HTT: variants seen among roughly 807,000 people sequenced by gnomAD.
The protein encoded by HTT is huntington disease protein.
HTT carries 104 observed loss-of-function variants against 362.3 expected under a neutral mutation model. The ratio of observed to expected loss-of-function variants is 0.29; its 90% CI spans 0.24 to 0.34. HTT has a LOEUF of 0.34. Ranked by LOEUF, HTT falls within the 10% of genes least tolerant of loss-of-function variation. HTT has a pLI of 1.00. For synonymous variants in HTT, 1,577 were observed against 1,548.7 expected, an observed-to-expected ratio of 1.02 and a Z score of -0.43; for missense variants, 3,301 against 3,928.6, an observed-to-expected ratio of 0.84 and a Z score of 4.27.
intron 40 of HTT, among the ~76,000 whole-genome samples, chr4:3,192,369 C>T (rs536984993): frequency 2.6e-4 from 39 of 152,298 alleles, no homozygotes; most frequent in South Asian, 2.3e-3. Flanking sequence ...TCACCCACCA[C>T]GCCCAGTCTC....
chr4:3,222,874 T>C (rs147681491), intron 54 of HTT, among the ~76,000 whole-genome samples: 30 of 152,322 alleles, frequency 2.0e-4, no homozygotes, highest in Middle Eastern at 6.8e-3. Context: ...AGAGATTTTA[T>C]CAGGCTTCTT....
intron 29 of HTT, among the ~76,000 whole-genome samples, chr4:3,168,662 A>G (rs1424180895): frequency 6.6e-6 from 1 of 152,048 alleles, no homozygotes; most frequent in African/African-American, 2.4e-5. Flanking sequence ...TCCATTTTAT[A>G]TGTTTTGTCT....
At chr4:3,116,355 GT>G in intron 8 of HTT, 92 bp downstream of exon 8, 1 of 1,128,274 alleles carries the variant, frequency 8.9e-7, no homozygotes, top group Non-Finnish European at 1.3e-6. Context: ...AGAACCGAGA[GT>G]TAGAGGTGTG....
chr4:3,152,791 C>T (rs934437534), intron 26 of HTT, among the ~76,000 whole-genome samples: 5 of 151,804 alleles, frequency 3.3e-5, no homozygotes, highest in African/African-American at 1.2e-4. Context: ...GGACTACAGG[C>T]CCATGTCACC....
Position 3,215,151 on chromosome 4 carries a change from A to C in HTT, c.6994A>C (p.Arg2332=). 1 of 1,614,220 alleles carries C rather than the reference A, an allele frequency of 6.2e-7. No homozygotes were observed. Among genetic ancestry groups the C allele is most frequent in the Non-Finnish European group, 8.5e-7 (1 of 1,180,028 alleles). ...AGAGCAGCTTCTTAGTCCAGAAAGA[A>C]GGACAAATACCCCAAAAGCCATCAG... The part of the protein sequence containing the change: ...PGEQLLSPER[R]TNTPKAISEE... Residue 2332 remains arginine, a synonymous_variant, in exon 51 of 67, where the codon AGG becomes CGG. Transcript: ENST00000355072.
At chr4:3,210,071 A>G (rs1720078866) in intron 47 of HTT, 122 bp downstream of exon 47, 1 of 1,257,122 alleles carries the variant, frequency 8.0e-7, no homozygotes, top group Non-Finnish European at 1.1e-6. Context: ...CAGTCTGGGC[A>G]GGGACGGGAT....
chr4:3,191,408 G>A (rs375735375), intron 40 of HTT, among the ~76,000 whole-genome samples: 1 of 152,168 alleles, frequency 6.6e-6, no homozygotes, highest in East Asian at 1.9e-4. Context: ...CTGACCTCAG[G>A]TGATCCACCC....
At chr4:3,115,982 G>T in intron 7 of HTT, 103 bp from the exon 8 acceptor site, 1 of 1,046,562 alleles carries the variant, frequency 9.6e-7, no homozygotes, top group Non-Finnish European at 1.5e-6. Flanking sequence ...GATCATGTTT[G>T]TGCCATCTTG....
intron 9 of HTT, among the ~76,000 whole-genome samples, chr4:3,122,388 TACTC>T (rs906421308): frequency 1.3e-5 from 2 of 152,234 alleles, no homozygotes; most frequent in African/African-American, 4.8e-5. Flanking sequence ...AGCGTGGCCT[TACTC>T]ACAGCCTCCA....
intron 6 of HTT, among the ~76,000 whole-genome samples, chr4:3,114,910 T>C (rs1010490681): frequency 7.9e-5 from 12 of 152,220 alleles, no homozygotes; most frequent in Non-Finnish European, 1.5e-4. Flanking sequence ...TTAGCAGGAC[T>C]TCTACAAGCC....
At chr4:3,113,009 T>G (rs529145497) in intron 6 of HTT, 1 of 975,908 alleles carries the variant, frequency 1.0e-6, no homozygotes, top group East Asian at 1.1e-4. Context: ...GGCTCTGAAG[T>G]TTAATGATTC....
rs1424957775 is a variant in HTT at position 3,137,697 on chromosome 4, AAAAC to A, written c.2798+1379_2798+1382del. Among the ~76,000 whole-genome samples, 16 of 152,336 alleles carry A rather than the reference AAAAC, an allele frequency of 1.1e-4. No individual in the cohort carries two copies. In the East Asian group the frequency reaches 1.2e-3, roughly 11 times the overall value. On this transcript the variant is annotated intron_variant, in intron 21 of 66. Transcript: ENST00000355072. Reference sequence around the variant, plus strand: ...CTGGGCAACAGAGAGAGACTGTCTCAAAACAAACAAAGATTTGTATTTTCTGGAC... The same window carrying A: ...CTGGGCAACAGAGAGAGACTGTCTCAAAACAAAGATTTGTATTTTCTGGAC...
chr4:3,240,366 C>A lies in HTT; in HGVS notation c.*307C>A, dbSNP rs1035721323. The A allele has an allele frequency of 6.9e-6, 3 of 434,942 alleles. No individual in the cohort carries two copies. The highest frequency in any genetic ancestry group is 6.0e-5 in the African/African-American group (3 of 49,770). 26.9% of individuals were successfully genotyped at this position (434,942 alleles called of 1,614,324 possible). A position where few individuals can be genotyped will look rare whatever the true frequency, so the allele number is the denominator to read the frequency against. On this transcript the variant is annotated 3_prime_UTR_variant, in exon 67 of 67. Transcript: ENST00000355072. ...CCTGATAGTCACCTGCTGGTTGTTG[C>A]CAGGTTGCAGCTGCTCTTGCATCTG...
At position 3,105,101 on chromosome 4, in the gene HTT, G is replaced by C. The variant is rs572156676; in HGVS notation, c.529-256G>C. ...ACAATGTTAGAAGGAAATGCTGTTT[G>C]GTAGACGATTGCTTTACTTTTCTTC... On this transcript the variant is annotated intron_variant, in intron 4 of 66. Coordinates refer to ENST00000355072, the MANE Select transcript of HTT (RefSeq NM_001388492.1). Among the ~76,000 whole-genome samples the C allele has an allele frequency of 1.4e-4, 22 of 152,218 alleles. No homozygotes were observed. In the South Asian group the frequency reaches 4.6e-3, roughly 32 times the overall value.
intron 26 of HTT, among the ~76,000 whole-genome samples, chr4:3,152,998 A>C (rs746453486): frequency 4.6e-5 from 7 of 152,074 alleles, no homozygotes; most frequent in Non-Finnish European, 8.8e-5. Flanking sequence ...CTTCCAGTCC[A>C]TGCACCCGAT....
At chr4:3,157,824 CTAATT>C (rs1480010141) in intron 28 of HTT, among the ~76,000 whole-genome samples, 12 of 151,576 alleles carry the variant, frequency 7.9e-5, no homozygotes, top group African/African-American at 4.9e-5. Flanking sequence ...AAGTATGTGT[CTAATT>C]TAATTTTTGT....
rs1721145990 is a variant in HTT at position 3,229,658 on chromosome 4, A to G, written c.8110-229A>G. On this transcript the variant is annotated intron_variant, in intron 59 of 66. Transcript: ENST00000355072. The stretch of plus-strand genomic sequence containing the variant: ...CACCACATGCGCACACACACACCAC[A>G]TACGCCACATGTACACACCATACAC... Among the ~76,000 whole-genome samples, 8 of 151,928 alleles carry G rather than the reference A, an allele frequency of 5.3e-5. No individual in the cohort carries two copies. In the South Asian group the frequency reaches 1.0e-3, roughly 20 times the overall value.
intron 60 of HTT, 80 bp from the exon 61 acceptor site, chr4:3,233,083 C>T: frequency 8.1e-7 from 1 of 1,233,986 alleles, no homozygotes; most frequent in Non-Finnish European, 1.1e-6. Context: ...GAGGGCAGCG[C>T]CCCCGCCTCG....
chr4:3,158,907 G>C (rs529163271), intron 28 of HTT, among the ~76,000 whole-genome samples: 1 of 151,928 alleles, frequency 6.6e-6, no homozygotes, highest in Non-Finnish European at 1.5e-5. Flanking sequence ...CTTGCTATCT[G>C]TTTATTATTT....
Sources: gnomAD v4.1 joint callset for allele counts (sites outside exome capture counted in the v4.1 genomes callset) on GRCh38, gnomAD v4.1.1 for gene constraint, MANE v1.5 for transcripts, NCBI Gene and HGNC (gene_info 2026-07-23, HGNC 2026-07-21) for gene names.